Variants in KCNK2 observed in about 807,000 individuals in gnomAD.
KCNK2 encodes the protein potassium channel subfamily K member 2.
In KCNK2, 21 loss-of-function variants were observed where a neutral mutation model predicts 40.5. The ratio of observed to expected loss-of-function variants is 0.52; its 90% confidence interval spans 0.37 to 0.75. The LOEUF (loss-of-function observed/expected upper bound fraction) is 0.75. Among genes scored for constraint, KCNK2 ranks in the 30% least tolerant of loss-of-function variants. The pLI is 0.00. For missense variants in KCNK2, 399 were observed against 531.6 expected (o/e 0.75, Z 2.45); for synonymous variants, 191 against 202.2 (o/e 0.94, Z 0.47).
intron 6 of KCNK2, among the ~76,000 whole-genome samples, chr1:215,232,778 TC>T (rs1666723366): frequency 6.6e-6 from 1 of 152,182 alleles, no homozygotes; most frequent in Non-Finnish European, 1.5e-5. Context: ...GCCCTTCTGT[TC>T]ATGAAAGACT....
At chr1:215,192,790 G>A (rs1664720124) in intron 5 of KCNK2, among the ~76,000 whole-genome samples, 1 of 152,162 alleles carries the variant, frequency 6.6e-6, no homozygotes, top group African/African-American at 2.4e-5. Context: ...TTTTAATGTT[G>A]CAAAAAGTAA....
chr1:215,074,977 C>A (rs1658877321), intron 1 of KCNK2, among the ~76,000 whole-genome samples: 1 of 151,938 alleles, frequency 6.6e-6, no homozygotes, highest in Admixed American at 6.6e-5. Flanking sequence ...TATTATAATG[C>A]CCTTATTCAA....
chr1:215,125,417 C>A (rs1306042707), intron 3 of KCNK2, among the ~76,000 whole-genome samples: 4 of 152,074 alleles, frequency 2.6e-5, no homozygotes, highest in African/African-American at 9.7e-5. Context: ...TGTTTGACAT[C>A]TTCTAAAGCG....
chr1:215,234,443 T>C (rs1666792728), intron 6 of KCNK2, among the ~76,000 whole-genome samples: 2 of 152,198 alleles, frequency 1.3e-5, no homozygotes, highest in Non-Finnish European at 2.9e-5. Flanking sequence ...CTGCCCTTTG[T>C]ACATTCCAAT....
At chr1:215,041,198 C>T (rs928988675) in intron 1 of KCNK2, among the ~76,000 whole-genome samples, 7 of 152,306 alleles carry the variant, frequency 4.6e-5, no homozygotes, top group African/African-American at 1.7e-4. Context: ...AAGTAAGCGG[C>T]TCTGCCACTT....
chr1:215,077,858 A>G (rs976350797), upstream of KCNK2, among the ~76,000 whole-genome samples: 21 of 152,154 alleles, frequency 1.4e-4, no homozygotes, highest in African/African-American at 4.6e-4. Flanking sequence ...CTGACCCTCT[A>G]GAAGTAAATA....
At chr1:215,150,773 A>G (rs1662653224) in intron 3 of KCNK2, among the ~76,000 whole-genome samples, 1 of 151,930 alleles carries the variant, frequency 6.6e-6, no homozygotes, top group Non-Finnish European at 1.5e-5. Flanking sequence ...AATTTTCAAT[A>G]TTCTCCTTTA....
chr1:215,197,931 G>A (rs755497660), intron 6 of KCNK2, among the ~76,000 whole-genome samples: 36 of 152,218 alleles, frequency 2.4e-4, no homozygotes, highest in South Asian at 1.2e-3. Context: ...CCTGGGAGGC[G>A]AAGGTTGCAG....
chr1:215,221,626 G>A (rs1666181262), intron 6 of KCNK2, among the ~76,000 whole-genome samples: 1 of 152,054 alleles, frequency 6.6e-6, no homozygotes, highest in African/African-American at 2.4e-5. Flanking sequence ...TTCATGTTAA[G>A]TAGACTTAGT....
rs545744010 is a variant in KCNK2, at chr1:215,226,733, G to A, written c.964-8095G>A. Among the ~76,000 whole-genome samples, 14 of 152,232 alleles carry A rather than the reference G, an allele frequency of 9.2e-5. No homozygotes were observed. In the South Asian group the frequency reaches 2.9e-3, roughly 32 times the overall value. ...AAAAGTGGTGAGAGAGGTGAAAAGA[G>A]TTAGAGGGCTGGTAAGCAGAAAGGA... On this transcript the variant is annotated intron_variant, in intron 6 of 6. Transcript: ENST00000444842.
intron 3 of KCNK2, among the ~76,000 whole-genome samples, chr1:215,168,113 A>T (rs969752118): frequency 3.3e-5 from 5 of 152,202 alleles, no homozygotes; most frequent in Admixed American, 3.3e-4. Flanking sequence ...TATGAAAAAC[A>T]GCTCAACATC....
At chr1:215,030,191 T>C (rs999295703) in intron 1 of KCNK2, among the ~76,000 whole-genome samples, 1 of 152,234 alleles carries the variant, frequency 6.6e-6, no homozygotes, top group Non-Finnish European at 1.5e-5. Context: ...TATTTGTCAT[T>C]TGTGTATCTT....
At chr1:215,112,313 T>C (rs1660731033) in intron 2 of KCNK2, among the ~76,000 whole-genome samples, 1 of 151,434 alleles carries the variant, frequency 6.6e-6, no homozygotes. Flanking sequence ...GTTTGTGTCT[T>C]AGTTTTTTTT....
At chr1:215,205,509 C>T (rs1033120704) in intron 6 of KCNK2, among the ~76,000 whole-genome samples, 10 of 152,248 alleles carry the variant, frequency 6.6e-5, no homozygotes, top group African/African-American at 2.4e-4. Context: ...TCCCAAAGTG[C>T]TGGGATTACA....
chr1:215,233,450 G>GTACA (rs1666753554), intron 6 of KCNK2, among the ~76,000 whole-genome samples: 1 of 70,736 alleles, frequency 1.4e-5, no homozygotes, highest in Non-Finnish European at 3.1e-5. Context: ...CTGTTTTTGA[G>GTACA]TACACACACA....
chr1:215,226,655 C>T (rs1165525562), intron 6 of KCNK2, among the ~76,000 whole-genome samples: 18 of 151,928 alleles, frequency 1.2e-4, no homozygotes, highest in Non-Finnish European at 1.9e-4. Flanking sequence ...GATTGCATTC[C>T]GTAAAGATGA....
At chr1:215,216,115 T>A (rs1479614405) in intron 6 of KCNK2, among the ~76,000 whole-genome samples, 11 of 152,184 alleles carry the variant, frequency 7.2e-5, no homozygotes, top group Admixed American at 7.2e-4. Context: ...TGTGCATGAA[T>A]ACTCTGCATT....
chr1:215,155,320 T>A (rs1323472646), intron 3 of KCNK2, among the ~76,000 whole-genome samples: 2 of 152,172 alleles, frequency 1.3e-5, no homozygotes, highest in Non-Finnish European at 2.9e-5. Context: ...TTAAAACTGT[T>A]GATAACATCT....
At chr1:215,104,141 A>T (rs552427495) in intron 2 of KCNK2, among the ~76,000 whole-genome samples, 1 of 152,140 alleles carries the variant, frequency 6.6e-6, no homozygotes, top group African/African-American at 2.4e-5. Context: ...AAAGGCATAA[A>T]CTCATGGAAT....
Sources: gnomAD v4.1 joint callset for allele counts (sites outside exome capture counted in the v4.1 genomes callset) on GRCh38, gnomAD v4.1.1 for gene constraint, MANE v1.5 for transcripts, NCBI Gene and HGNC (gene_info 2026-07-23, HGNC 2026-07-21) for gene names.